GCA: variants seen among roughly 807,000 people sequenced by gnomAD.
The protein encoded by GCA is grancalcin.
In GCA, 30 loss-of-function variants were observed where a neutral mutation model predicts 32.6. That is an observed-to-expected ratio of 0.92 (90% CI 0.69 to 1.25). The LOEUF (loss-of-function observed/expected upper bound fraction) is 1.25. Ranked by LOEUF, GCA falls within the 50% of genes most tolerant of loss-of-function variation. GCA has a pLI of 0.00. For synonymous variants in GCA, 102 were observed against 84.6 expected, an observed-to-expected ratio of 1.21 and a Z score of -1.13; for missense variants, 291 against 266.8, an observed-to-expected ratio of 1.09 and a Z score of -0.63.
At chr2:162,332,047 C>T (rs1307551774) in intron 1 of GCA, among the ~76,000 whole-genome samples, 3 of 151,986 alleles carry the variant, frequency 2.0e-5, no homozygotes, top group East Asian at 1.9e-4. Flanking sequence ...TGGTGGCTCA[C>T]GCCTGTAATC....
At chr2:162,364,273 T>C (rs927413536), downstream of GCA, among the ~76,000 whole-genome samples, 13 of 151,568 alleles carry the variant, frequency 8.6e-5, no homozygotes, top group Non-Finnish European at 1.8e-4. Flanking sequence ...TGAAGAGTGC[T>C]AGTATGAATA....
In GCA at chr2:162,359,037, T is replaced by C. The variant is rs746372238; in HGVS notation, c.455-7T>C. On this transcript the variant is annotated splice_region_variant and splice_polypyrimidine_tract_variant and intron_variant, in intron 5 of 7. Coordinates refer to ENST00000437150, the MANE Select transcript of GCA (RefSeq NM_012198.5). ...CATTTAGAAGTTTTAATTTATCTCT[T>C]TTTTAGGTTATAGGTTGAGTCCTCA... The C allele has an allele frequency of 2.9e-6, 4 of 1,368,036 alleles. No individual in the cohort carries two copies. The South Asian group carries it at 4.9e-5, about 17-fold the overall frequency. 84.7% of individuals were successfully genotyped at this position (1,368,036 alleles called of 1,614,324 possible).
upstream of GCA, among the ~76,000 whole-genome samples, chr2:162,343,022 C>T (rs950762479): frequency 6.6e-6 from 1 of 152,206 alleles, no homozygotes; most frequent in African/African-American, 2.4e-5. Flanking sequence ...ATCTTCCTTT[C>T]TCTCTGCTGT....
downstream of GCA, among the ~76,000 whole-genome samples, chr2:162,367,989 T>C (rs907591037): frequency 1.3e-5 from 2 of 152,000 alleles, no homozygotes; most frequent in South Asian, 4.1e-4. Flanking sequence ...TGATGCAGAA[T>C]CTATGCTTGC....
intron 2 of GCA, among the ~76,000 whole-genome samples, chr2:162,350,663 C>G (rs1311189537): frequency 1.3e-5 from 2 of 152,070 alleles, no homozygotes; most frequent in Admixed American, 1.3e-4. Flanking sequence ...TTTTTGACTG[C>G]TGAACTATTT....
chr2:162,373,705 C>A (rs1464096930), downstream of GCA: 1 of 1,327,464 alleles, frequency 7.5e-7, no homozygotes, highest in Non-Finnish European at 9.8e-7. Flanking sequence ...CTAAAATAGT[C>A]CAGAATTTCA....
At chr2:162,365,920 T>TA (rs1321167727), downstream of GCA, among the ~76,000 whole-genome samples, 15 of 151,618 alleles carry the variant, frequency 9.9e-5, no homozygotes, top group Non-Finnish European at 4.4e-5. Context: ...CCTTTAATTT[T>TA]ACCCCTAAAT....
At chr2:162,351,493 C>G (rs1258431446) in intron 2 of GCA, among the ~76,000 whole-genome samples, 1 of 152,176 alleles carries the variant, frequency 6.6e-6, no homozygotes, top group East Asian at 1.9e-4. Context: ...TTTGTAATTT[C>G]TATTAGAACA....
At chr2:162,371,195 T>C in intron 4 of GCA, 1 of 391,148 alleles carries the variant, frequency 2.6e-6, no homozygotes, top group Non-Finnish European at 4.8e-6. Context: ...TGACATAATT[T>C]TAAATAGAAA....
chr2:162,360,794 C>A lies in GCA; in HGVS notation c.*551C>A, dbSNP rs78355083. On this transcript the variant is annotated 3_prime_UTR_variant, in exon 8 of 8. Coordinates refer to ENST00000437150, the MANE Select transcript of GCA (RefSeq NM_012198.5). ...GTCTGTGAAGAAGAAAATTATCTCC[C>A]TAGTTCAATCTGTAGTGAAATAAGA... 1,043 of 1,322,810 alleles carry A rather than the reference C, an allele frequency of 7.9e-4. 10 individuals are homozygous for A. In the African/African-American group the frequency reaches 0.013, roughly 17 times the overall value. The allele number at this position is 1,322,810 out of a possible 1,614,324, so 81.9% of individuals were successfully genotyped here. A position where few individuals can be genotyped will look rare whatever the true frequency, so the allele number is the denominator to read the frequency against.
In GCA at chr2:162,348,037, C is replaced by T. The variant is rs186942241; in HGVS notation, c.192+295C>T. 1.4e-4 allele frequency among the ~76,000 whole-genome samples: 22 copies of T among 152,230 alleles called. No individual in the cohort carries two copies. The East Asian group carries it at 3.9e-3, about 27-fold the overall frequency. Reference sequence around the variant, plus strand: ...TGCTTGCGTTACTGAAATTCTTCTACAAGGGGCTCCTCTTACTAGTCACTA... The same window carrying T: ...TGCTTGCGTTACTGAAATTCTTCTATAAGGGGCTCCTCTTACTAGTCACTA... On this transcript the variant is annotated intron_variant, in intron 2 of 7. Coordinates refer to ENST00000437150, the MANE Select transcript of GCA (RefSeq NM_012198.5).
At chr2:162,373,379 C>A (rs1686036051), downstream of GCA, 2 of 927,356 alleles carry the variant, frequency 2.2e-6, no homozygotes, top group African/African-American at 3.4e-5. Context: ...AGAAATCTGC[C>A]TTTTCCACAG....
intron 1 of GCA, among the ~76,000 whole-genome samples, chr2:162,331,811 A>C (rs1051994375): frequency 2.6e-5 from 4 of 152,186 alleles, no homozygotes; most frequent in Non-Finnish European, 4.4e-5. Context: ...GAGCAGGAGA[A>C]TTTGGAAACT....
chr2:162,360,177 A>G, intron 7 of GCA, 40 bp from the exon 8 acceptor site: 1 of 1,237,426 alleles, frequency 8.1e-7, no homozygotes, highest in Non-Finnish European at 1.2e-6. Flanking sequence ...ATTAAAAACC[A>G]TTTTATTCTT....
chr2:162,357,542 C>A (rs1030854674), intron 5 of GCA, among the ~76,000 whole-genome samples: 2 of 151,690 alleles, frequency 1.3e-5, no homozygotes, highest in Non-Finnish European at 3.0e-5. Flanking sequence ...TAAACAAAAT[C>A]TATTTGTATG....
chr2:162,362,346 T>C lies in GCA; in HGVS notation c.*2103T>C, dbSNP rs1002567938. The C allele has an allele frequency of 3.1e-6, 3 of 982,882 alleles. No individual in the cohort carries two copies. The highest frequency in any genetic ancestry group is 1.8e-5 in the African/African-American group (1 of 57,120). The allele number at this position is 982,882 out of a possible 1,614,324, so 60.9% of individuals were successfully genotyped here. ...ACTTTACATTAAACAGACAAACTTA[T>C]GTTAACAAAAACATTAGGCCTAGAG... is the stretch of plus-strand genomic sequence containing the variant. On this transcript the variant is annotated 3_prime_UTR_variant, in exon 8 of 8. Coordinates refer to ENST00000437150, the MANE Select transcript of GCA (RefSeq NM_012198.5).
chr2:162,343,452 A>G (rs183824472), upstream of GCA, among the ~76,000 whole-genome samples: 2 of 152,366 alleles, frequency 1.3e-5, no homozygotes, highest in African/African-American at 2.4e-5. Context: ...GTGTATGTTC[A>G]CGTCCTGTGC....
In GCA at chr2:162,360,386, G is replaced by A; in HGVS notation, c.*143G>A. On this transcript the variant is annotated 3_prime_UTR_variant, in exon 8 of 8. Transcript: ENST00000437150. The stretch of plus-strand genomic sequence containing the variant: ...TCCCTTTCTGTGTGTTTTTATTTTA[G>A]CAGATAGTTCAAAGCAATAAAAGAT... The A allele has an allele frequency of 7.4e-7, 1 of 1,352,722 alleles. No homozygotes were observed. Among genetic ancestry groups the A allele is most frequent in the Non-Finnish European group, 9.6e-7 (1 of 1,042,468 alleles). 83.8% of individuals were successfully genotyped at this position (1,352,722 alleles called of 1,614,324 possible).
intron 3 of GCA, 84 bp downstream of exon 3, chr2:162,352,491 A>T: frequency 1.2e-6 from 1 of 848,540 alleles, no homozygotes; most frequent in Non-Finnish European, 2.0e-6. Flanking sequence ...TAAAATGTTT[A>T]AAAAATTATC....
Sources: gnomAD v4.1 joint callset for allele counts (sites outside exome capture counted in the v4.1 genomes callset) on GRCh38, gnomAD v4.1.1 for gene constraint, MANE v1.5 for transcripts, NCBI Gene and HGNC (gene_info 2026-07-23, HGNC 2026-07-21) for gene names.